Variants in RBFOX1 observed in about 807,000 individuals in gnomAD.
RBFOX1 encodes RNA binding fox-1 homolog 1, also known as RNA binding protein fox-1 homolog 1.
In RBFOX1, 8 loss-of-function variants were observed where a neutral mutation model predicts 57.7. The ratio of observed to expected loss-of-function variants is 0.14; its 90% CI spans 0.08 to 0.25. The LOEUF is 0.25. RBFOX1 is among the 10% of genes least tolerant of loss of function. The probability of loss-of-function intolerance (pLI) is 1.00; values close to 1 mark genes in which losing one functional copy is unlikely to be tolerated. For missense variants in RBFOX1, 611 were observed against 548.5 expected (o/e 1.11, Z -1.14); for synonymous variants, 326 against 222.4 (o/e 1.47, Z -4.15).
At chr16:6,964,313 C>A (rs560628829) in intron 3 of RBFOX1, among the ~76,000 whole-genome samples, 7 of 152,316 alleles carry the variant, frequency 4.6e-5, no homozygotes, top group Non-Finnish European at 7.3e-5. Flanking sequence ...GCTGTTGTGC[C>A]TGGCAGCATA....
At chr16:6,372,502 T>G (rs909429416) in intron 2 of RBFOX1, among the ~76,000 whole-genome samples, 14 of 150,652 alleles carry the variant, frequency 9.3e-5, no homozygotes, top group African/African-American at 3.4e-4. Flanking sequence ...TGGGTGGAAG[T>G]ATAGTTGGAT....
chr16:5,279,818 A>T (rs1284920836), intron 1 of RBFOX1, among the ~76,000 whole-genome samples: 1 of 152,140 alleles, frequency 6.6e-6, no homozygotes, highest in African/African-American at 2.4e-5. Context: ...ATCCATTTTA[A>T]GAGTTTTTTT....
intron 3 of RBFOX1, among the ~76,000 whole-genome samples, chr16:6,986,184 T>TTTTTTTTATTTATTTA (rs1555719495): frequency 4.2e-5 from 6 of 144,222 alleles, no homozygotes; most frequent in South Asian, 2.2e-4. Flanking sequence ...CAATTTCTAT[T>TTTTTTTTATTTATTTA]TTTATTTATT....
chr16:7,561,077 T>G (rs1304521377), intron 5 of RBFOX1, among the ~76,000 whole-genome samples: 1 of 152,188 alleles, frequency 6.6e-6, no homozygotes, highest in Non-Finnish European at 1.5e-5. Flanking sequence ...ATGTAGCAAA[T>G]GTTCTTTATA....
At chr16:5,334,959 T>C (rs189679517) in intron 1 of RBFOX1, among the ~76,000 whole-genome samples, 32 of 152,194 alleles carry the variant, frequency 2.1e-4, no homozygotes, top group African/African-American at 7.7e-4. Context: ...TAAATCTTCT[T>C]GTAGTATAGA....
chr16:5,445,967 C>G (rs1878543), intron 1 of RBFOX1, among the ~76,000 whole-genome samples: 54,767 of 152,034 alleles, frequency 0.36, 11,020 homozygotes, highest in East Asian at 0.49. Context: ...TTTGAAGAAT[C>G]TTTATTGCTC....
At chr16:6,645,851 T>A (rs1247358522) in intron 2 of RBFOX1, among the ~76,000 whole-genome samples, 1 of 152,082 alleles carries the variant, frequency 6.6e-6, no homozygotes, top group Non-Finnish European at 1.5e-5. Flanking sequence ...ATGCTTCTCT[T>A]ACAAATAGGG....
chr16:5,711,088 T>C (rs1392104590), intron 3 of RBFOX1, among the ~76,000 whole-genome samples: 1 of 152,158 alleles, frequency 6.6e-6, no homozygotes, highest in African/African-American at 2.4e-5. Flanking sequence ...AATCAAATTA[T>C]TGTAGTAATG....
At chr16:7,351,834 C>T (rs1291401489) in intron 4 of RBFOX1, among the ~76,000 whole-genome samples, 3 of 152,172 alleles carry the variant, frequency 2.0e-5, no homozygotes, top group African/African-American at 7.2e-5. Context: ...TTCTGCCTCT[C>T]AATCTTCAGG....
chr16:6,250,223 T>G (rs181794060), intron 1 of RBFOX1, among the ~76,000 whole-genome samples: 2 of 152,302 alleles, frequency 1.3e-5, no homozygotes, highest in East Asian at 3.9e-4. Flanking sequence ...CCCTTCTTCT[T>G]TATACATTCT....
chr16:7,563,071 A>G (rs1414089011), intron 5 of RBFOX1, among the ~76,000 whole-genome samples: 1 of 152,212 alleles, frequency 6.6e-6, no homozygotes, highest in Non-Finnish European at 1.5e-5. Flanking sequence ...AGAAGCTCTG[A>G]GGCCCTCTGA....
intron 2 of RBFOX1, among the ~76,000 whole-genome samples, chr16:6,443,710 GTCAT>G (rs1413302804): frequency 6.6e-6 from 1 of 152,084 alleles, no homozygotes; most frequent in African/African-American, 2.4e-5. Flanking sequence ...CATTTACTAA[GTCAT>G]TCTTTAATTT....
chr16:7,125,710 A>G (rs2068335862), intron 4 of RBFOX1, among the ~76,000 whole-genome samples: 2 of 152,048 alleles, frequency 1.3e-5, no homozygotes, highest in African/African-American at 2.4e-5. Flanking sequence ...TTTTTTAGAC[A>G]GATGCCTAAA....
chr16:7,100,100 A>G (rs1458339004), intron 4 of RBFOX1, among the ~76,000 whole-genome samples: 3 of 151,896 alleles, frequency 2.0e-5, no homozygotes, highest in South Asian at 4.2e-4. Flanking sequence ...TTTGATTTAC[A>G]TACTAAATAA....
chr16:6,939,136 TCACAC>T (rs986429893), intron 3 of RBFOX1, among the ~76,000 whole-genome samples: 44 of 152,046 alleles, frequency 2.9e-4, no homozygotes, highest in African/African-American at 1.0e-3. Context: ...CCTGCCAAGG[TCACAC>T]CACTAACTAA....
intron 3 of RBFOX1, among the ~76,000 whole-genome samples, chr16:6,978,163 C>G (rs1006999226): frequency 1.3e-5 from 2 of 151,830 alleles, no homozygotes; most frequent in African/African-American, 4.8e-5. Flanking sequence ...CCATGGCATA[C>G]GGCAGTGGAG....
intron 3 of RBFOX1, among the ~76,000 whole-genome samples, chr16:6,784,834 A>T (rs922931118): frequency 6.6e-6 from 1 of 152,022 alleles, no homozygotes; most frequent in Non-Finnish European, 1.5e-5. Context: ...TCATTGTTTT[A>T]AGAAAAATGA....
chr16:7,503,232 G>C (rs560727040), intron 4 of RBFOX1, among the ~76,000 whole-genome samples: 3 of 152,178 alleles, frequency 2.0e-5, no homozygotes, highest in Non-Finnish European at 4.4e-5. Flanking sequence ...AGAGATCCTT[G>C]GTGACATTCT....
chr16:5,655,326 G>T (rs1267303355), intron 3 of RBFOX1, among the ~76,000 whole-genome samples: 1 of 152,306 alleles, frequency 6.6e-6, no homozygotes, highest in East Asian at 1.9e-4. Context: ...ATGCGGGTAA[G>T]ATATGTGGGA....
Sources: allele counts gnomAD v4.1 joint callset (sites outside exome capture counted in the v4.1 genomes callset), GRCh38; gene constraint gnomAD v4.1.1; transcripts MANE v1.5; gene names NCBI Gene and HGNC (gene_info 2026-07-23, HGNC 2026-07-21).